Variants in UBE4B observed in about 807,000 individuals in gnomAD.
UBE4B encodes ubiquitin conjugation factor E4 B.
In UBE4B, 27 loss-of-function variants were observed where a neutral mutation model predicts 148.1. The observed-to-expected ratio is 0.18, with a 90% confidence interval of 0.13 to 0.25. The LOEUF (loss-of-function observed/expected upper bound fraction) is 0.25, where lower values mean the gene tolerates loss of function less well. Ranked by LOEUF, UBE4B falls within the 10% of genes least tolerant of loss-of-function variation. The probability of loss-of-function intolerance (pLI) is 1.00; values close to 1 mark genes in which losing one functional copy is unlikely to be tolerated. For synonymous variants in UBE4B, 596 were observed against 619.3 expected (o/e 0.96, Z 0.56); for missense variants, 1,170 against 1,662.4 (o/e 0.70, Z 5.15).
chr1:10,151,171 A>T (rs563895335), intron 20 of UBE4B, among the ~76,000 whole-genome samples, 155 bp from the exon 21 acceptor site: 1 of 151,934 alleles, frequency 6.6e-6, no homozygotes. Flanking sequence ...TCAAAAAAAA[A>T]AAAAAGTCAC....
chr1:10,142,924 A>G (rs749257807), intron 17 of UBE4B, among the ~76,000 whole-genome samples: 2 of 152,150 alleles, frequency 1.3e-5, no homozygotes, highest in Admixed American at 6.6e-5. Context: ...CCTGGCCAAC[A>G]TGGTGAAACC....
At chr1:10,107,043 C>T (rs1322083700) in intron 7 of UBE4B, among the ~76,000 whole-genome samples, 1 of 152,128 alleles carries the variant, frequency 6.6e-6, no homozygotes, top group Non-Finnish European at 1.5e-5. Flanking sequence ...AATCCAGTGG[C>T]CCCTTCTCTC....
Position 10,137,069 on chromosome 1 carries a change from G to T in UBE4B, c.2227G>T (p.Gly743Cys). ...DVNDWLTELYGDQPPFSEPKF... is the reference protein window; with the variant it reads ...DVNDWLTELYCDQPPFSEPKF... ...GGGAATGATGTTATTTTTCCTAGAT[G>T]GCGATCAGCCTCCATTTTCTGAGCC... The change falls in exon 17 of 28, where the codon GGC (glycine) becomes TGC (cysteine). Residue 743 changes from glycine (G) to cysteine (C), a missense_variant and splice_region_variant. This residue lies in a region of UBE4B where 388 missense variants were observed against 536.0 expected (regional missense o/e 0.72). Transcript: ENST00000343090. 1 of 1,614,044 alleles carries T rather than the reference G, an allele frequency of 6.2e-7. No homozygotes were observed. The highest frequency in any genetic ancestry group is 1.1e-5 in the South Asian group (1 of 91,056).
chr1:10,105,862 T>A, intron 6 of UBE4B, 118 bp downstream of exon 6: 3 of 1,066,646 alleles, frequency 2.8e-6, no homozygotes, highest in Non-Finnish European at 4.0e-6. Flanking sequence ...GCATATATCA[T>A]ATTTGGGGAG....
intron 26 of UBE4B, 164 bp downstream of exon 26, chr1:10,178,982 T>C: frequency 1.4e-6 from 1 of 718,954 alleles, no homozygotes; most frequent in Non-Finnish European, 2.1e-6. Flanking sequence ...GCTCATATTG[T>C]AAATTGAGAG....
intron 12 of UBE4B, among the ~76,000 whole-genome samples, chr1:10,130,061 A>G (rs1304166351): frequency 6.6e-6 from 1 of 151,660 alleles, no homozygotes; most frequent in African/African-American, 2.4e-5. Flanking sequence ...TTCATCCAAT[A>G]GTATCCTGAA....
intron 2 of UBE4B, among the ~76,000 whole-genome samples, chr1:10,090,793 T>TTGTGTGTG (rs57486350): frequency 0.063 from 8,977 of 141,414 alleles, 379 homozygotes; most frequent in South Asian, 0.18. Context: ...GCCTATGCAT[T>TTGTGTGTG]TGTGTGTGTG....
chr1:10,101,037 AC>A, intron 3 of UBE4B, 70 bp from the exon 4 acceptor site: 1 of 1,330,480 alleles, frequency 7.5e-7, no homozygotes, highest in East Asian at 2.3e-5. Flanking sequence ...ACATTTTCTC[AC>A]CCAGCAGCTA....
Position 10,156,353 on chromosome 1 carries a change from C to T in UBE4B, c.2927-2003C>T, listed in dbSNP as rs577066348. On this transcript the variant is annotated intron_variant, in intron 21 of 27. Coordinates refer to ENST00000343090, the MANE Select transcript of UBE4B (RefSeq NM_001105562.3). ...CTCCCGGGCTCAAGTGATCCTCCTA[C>T]CTCAGCCTCCCCTGTAGCTGGGACT... Among the ~76,000 whole-genome samples, 6 of 151,506 alleles carry T rather than the reference C, an allele frequency of 4.0e-5. No individual in the cohort carries two copies. The East Asian group carries it at 1.2e-3, about 29-fold the overall frequency.
At chr1:10,157,018 G>A (rs1159386209) in intron 21 of UBE4B, among the ~76,000 whole-genome samples, 8 of 150,320 alleles carry the variant, frequency 5.3e-5, no homozygotes, top group Non-Finnish European at 8.9e-5. Context: ...AATTAAAAGT[G>A]AAAAAAAAAA....
chr1:10,080,092 T>G (rs1291791942), intron 2 of UBE4B, among the ~76,000 whole-genome samples: 2 of 152,128 alleles, frequency 1.3e-5, no homozygotes, highest in Non-Finnish European at 2.9e-5. Context: ...ATTGTAGATT[T>G]TTTTGGAGCA....
intron 18 of UBE4B, 81 bp from the exon 19 acceptor site, chr1:10,146,882 T>A (rs900835706): frequency 1.0e-5 from 16 of 1,542,674 alleles, no homozygotes; most frequent in Non-Finnish European, 1.4e-5. Flanking sequence ...TCCCATCTCC[T>A]GGCCCCAGTC....
At position 10,179,412 on chromosome 1, in the gene UBE4B, G is replaced by A. The variant is rs564623709; in HGVS notation, c.3701-4G>A. ...TTAGAGTTTGCTTTGCTTTGTCCCC[G>A]CAGACCCTCTGATGGACACCCTCAT... On this transcript the variant is annotated splice_polypyrimidine_tract_variant and splice_region_variant and intron_variant, in intron 26 of 27. Coordinates refer to ENST00000343090, the MANE Select transcript of UBE4B (RefSeq NM_001105562.3). 20 of 1,613,400 alleles carry A rather than the reference G, an allele frequency of 1.2e-5. No homozygotes were observed. The highest frequency in any genetic ancestry group is 5.5e-5 in the South Asian group (5 of 91,050).
In UBE4B at chr1:10,033,591, T is replaced by C; in HGVS notation, c.-80T>C. On this transcript the variant is annotated 5_prime_UTR_variant, in exon 1 of 28. Coordinates refer to ENST00000343090, the MANE Select transcript of UBE4B (RefSeq NM_001105562.3). ...GGGACCAGACAGCCTGATAGACACC[T>C]TCCACTCTCCTTCCTCCCGCCGTGG... The C allele has an allele frequency of 7.0e-7, 1 of 1,434,288 alleles. No individual in the cohort carries two copies. The highest frequency in any genetic ancestry group is 9.2e-7 in the Non-Finnish European group (1 of 1,083,060). The allele number at this position is 1,434,288 out of a possible 1,614,324, so 88.8% of individuals were successfully genotyped here.
At chr1:10,131,867 C>T (rs557378210) in intron 14 of UBE4B, among the ~76,000 whole-genome samples, 53 of 149,994 alleles carry the variant, frequency 3.5e-4, no homozygotes, top group Middle Eastern at 3.5e-3. Context: ...GCAGGAGAAT[C>T]GCTTGAAACC....
At chr1:10,080,222 C>G (rs1437363548) in intron 2 of UBE4B, among the ~76,000 whole-genome samples, 3 of 152,022 alleles carry the variant, frequency 2.0e-5, no homozygotes, top group Admixed American at 2.0e-4. Flanking sequence ...GAGATTGAGA[C>G]CAGCCTGGCC....
chr1:10,172,952 CT>C (rs1261636588), intron 25 of UBE4B, among the ~76,000 whole-genome samples: 1 of 152,208 alleles, frequency 6.6e-6, no homozygotes, highest in African/African-American at 2.4e-5. Flanking sequence ...CAGTCCCACA[CT>C]GTACAGTTTT....
At chr1:10,155,254 G>T (rs1042433188) in intron 21 of UBE4B, among the ~76,000 whole-genome samples, 5 of 152,106 alleles carry the variant, frequency 3.3e-5, no homozygotes, top group Admixed American at 2.6e-4. Flanking sequence ...GTGCCCTCTG[G>T]CCTGGACCAC....
intron 10 of UBE4B, among the ~76,000 whole-genome samples, chr1:10,124,773 T>A (rs956984673): frequency 7.2e-5 from 11 of 152,196 alleles, no homozygotes; most frequent in African/African-American, 2.7e-4. Context: ...GGTGGATACT[T>A]ACAGTATTTT....
Sources: gnomAD v4.1 joint callset for allele counts (sites outside exome capture counted in the v4.1 genomes callset) on GRCh38, gnomAD v4.1.1 for gene constraint, gnomAD v4.1.1 regional missense constraint, MANE v1.5 for transcripts, NCBI Gene and HGNC (gene_info 2026-07-23, HGNC 2026-07-21) for gene names.